Variants in LINGO2 observed in about 807,000 individuals in gnomAD.
The protein encoded by LINGO2 is leucine rich repeat and Ig domain containing 2.
In LINGO2, 14 loss-of-function variants were observed where a neutral mutation model predicts 30.6. That is an observed-to-expected ratio of 0.46 (90% confidence interval 0.30 to 0.72). The LOEUF (loss-of-function observed/expected upper bound fraction) is 0.72, where lower values mean the gene tolerates loss of function less well. Ranked by LOEUF, LINGO2 falls within the 30% of genes least tolerant of loss-of-function variation. The pLI is 0.07. For synonymous variants in LINGO2, 317 were observed against 288.5 expected (o/e 1.10, Z -1.00); for missense variants, 729 against 751.7 (o/e 0.97, Z 0.35).
At chr9:28,306,587 A>T (rs1824367804) in intron 3 of LINGO2, among the ~76,000 whole-genome samples, 1 of 152,130 alleles carries the variant, frequency 6.6e-6, no homozygotes, top group Non-Finnish European at 1.5e-5. Context: ...TCAGAGCAGA[A>T]CTGAAGGAAA....
chr9:27,972,530 C>A (rs1820405986), intron 5 of LINGO2, among the ~76,000 whole-genome samples: 2 of 152,206 alleles, frequency 1.3e-5, no homozygotes, highest in South Asian at 4.1e-4. Context: ...AGAGTCTGGA[C>A]TAGTGCTGAC....
chr9:28,257,269 A>T (rs10121429), intron 4 of LINGO2, among the ~76,000 whole-genome samples: 1 of 151,742 alleles, frequency 6.6e-6, no homozygotes, highest in East Asian at 1.9e-4. Context: ...GATTTAGTAT[A>T]AAACATGTTT....
intron 4 of LINGO2, among the ~76,000 whole-genome samples, chr9:28,082,099 T>C (rs1484734084): frequency 6.6e-6 from 1 of 152,172 alleles, no homozygotes; most frequent in African/African-American, 2.4e-5. Flanking sequence ...CAACTTTGTT[T>C]CGTTGAGGTC....
chr9:28,264,318 A>G (rs968890244), intron 4 of LINGO2, among the ~76,000 whole-genome samples: 31 of 151,994 alleles, frequency 2.0e-4, no homozygotes, highest in Non-Finnish European at 4.1e-4. Flanking sequence ...AAGGGGGTAC[A>G]ATTGATCTGT....
chr9:28,264,054 T>A (rs10812769), intron 4 of LINGO2, among the ~76,000 whole-genome samples: 14,794 of 132,384 alleles, frequency 0.11, 917 homozygotes, highest in Middle Eastern at 0.26. Flanking sequence ...ATTACAGTTC[T>A]GCTGTGAAGT....
At chr9:28,158,995 A>C (rs1828213529) in intron 4 of LINGO2, among the ~76,000 whole-genome samples, 1 of 152,196 alleles carries the variant, frequency 6.6e-6, no homozygotes. Flanking sequence ...TAGAACAATA[A>C]AAGCCAAAAG....
chr9:28,238,214 C>T (rs546518808), intron 4 of LINGO2, among the ~76,000 whole-genome samples: 26 of 152,106 alleles, frequency 1.7e-4, no homozygotes, highest in African/African-American at 5.8e-4. Context: ...CCACTTTAAA[C>T]ATTGGAAATA....
chr9:28,552,957 C>G (rs937612246), intron 1 of LINGO2, among the ~76,000 whole-genome samples: 3 of 150,390 alleles, frequency 2.0e-5, no homozygotes, highest in Non-Finnish European at 3.0e-5. Context: ...GATATTAATC[C>G]CAGATATTTT....
At chr9:28,786,045 C>G in the LINGO2 span, among the ~76,000 whole-genome samples, 1 of 152,194 alleles carries the variant, frequency 6.6e-6, no homozygotes, top group Non-Finnish European at 1.5e-5. Flanking sequence ...TCTGGTCACT[C>G]ATAGGTCATT....
chr9:28,788,833 G>C, the LINGO2 span, among the ~76,000 whole-genome samples: 1 of 152,156 alleles, frequency 6.6e-6, no homozygotes. Flanking sequence ...ATTGTGGGGA[G>C]TATGGGGATT....
At chr9:28,798,433 T>C in the LINGO2 span, among the ~76,000 whole-genome samples, 62 of 151,956 alleles carry the variant, frequency 4.1e-4, no homozygotes, top group African/African-American at 1.4e-3. Flanking sequence ...TAAAACAGAG[T>C]GTATGAGAAC....
At chr9:29,212,897 AAGCAGC>A in the LINGO2 span, among the ~76,000 whole-genome samples, 2 of 152,172 alleles carry the variant, frequency 1.3e-5, no homozygotes, top group Non-Finnish European at 2.9e-5. Context: ...CTGGCAATTC[AAGCAGC>A]AGCTTTGCTG....
At chr9:29,159,832 CAA>C in the LINGO2 span, among the ~76,000 whole-genome samples, 127 of 134,844 alleles carry the variant, frequency 9.4e-4, no homozygotes, top group Admixed American at 2.0e-3. Flanking sequence ...CAGCCTGGGC[CAA>C]AAAAAAAAAA....
chr9:28,820,986 A>G, the LINGO2 span, among the ~76,000 whole-genome samples: 1 of 152,238 alleles, frequency 6.6e-6, no homozygotes, highest in Non-Finnish European at 1.5e-5. Context: ...TGTCACAGGA[A>G]GGATTAACAA....
chr9:28,873,919 A>G, the LINGO2 span, among the ~76,000 whole-genome samples: 1 of 152,074 alleles, frequency 6.6e-6, no homozygotes, highest in East Asian at 1.9e-4. Flanking sequence ...TCTCTATGCA[A>G]TAAATAATAT....
chr9:28,076,892 AG>A (rs961708501), intron 4 of LINGO2, among the ~76,000 whole-genome samples: 1 of 152,114 alleles, frequency 6.6e-6, no homozygotes, highest in African/African-American at 2.4e-5. Flanking sequence ...GGATAAACCA[AG>A]GGGTTCATTC....
chr9:28,942,868 A>AT, the LINGO2 span, among the ~76,000 whole-genome samples: 3 of 152,150 alleles, frequency 2.0e-5, no homozygotes, highest in Admixed American at 2.0e-4. Context: ...TGCTAAATAA[A>AT]TGTTTGTTGA....
chr9:28,207,362 C>T (rs1446930339), intron 4 of LINGO2, among the ~76,000 whole-genome samples: 1 of 152,060 alleles, frequency 6.6e-6, no homozygotes, highest in Non-Finnish European at 1.5e-5. Context: ...ATCTCACAAT[C>T]TTCTGTTACT....
At chr9:28,159,165 T>A (rs1587109064) in intron 4 of LINGO2, among the ~76,000 whole-genome samples, 2 of 152,054 alleles carry the variant, frequency 1.3e-5, no homozygotes, top group East Asian at 3.9e-4. Flanking sequence ...GTTACCTGAC[T>A]TGTTAATTGG....
Sources: gnomAD v4.1 joint callset for allele counts (sites outside exome capture counted in the v4.1 genomes callset) on GRCh38, gnomAD v4.1.1 for gene constraint, MANE v1.5 for transcripts, NCBI Gene and HGNC (gene_info 2026-07-23, HGNC 2026-07-21) for gene names.